JAKMIP3: variants seen among roughly 807,000 people sequenced by gnomAD.
The protein encoded by JAKMIP3 is Janus kinase and microtubule interacting protein 3, also known as janus kinase and microtubule-interacting protein 3.
JAKMIP3 carries 58 observed loss-of-function variants against 118.5 expected under a neutral mutation model. That is an observed-to-expected ratio of 0.49 (90% confidence interval 0.40 to 0.61). JAKMIP3 has a LOEUF of 0.61. Among genes scored for constraint, JAKMIP3 ranks in the 20% least tolerant of loss-of-function variants. The pLI is 0.00. For missense variants in JAKMIP3, 950 were observed against 1,109.0 expected (o/e 0.86, Z 2.04); for synonymous variants, 486 against 451.2 (o/e 1.08, Z -0.98).
intron 1 of JAKMIP3, among the ~76,000 whole-genome samples, chr10:132,079,139 T>TGGCCTGGGAGAGGAC: frequency 7.2e-6 from 1 of 139,848 alleles, no homozygotes; most frequent in East Asian, 2.2e-4. Flanking sequence ...CGTGGGCACC[T>TGGCCTGGGAGAGGAC]GGCCTGGGAG....
At chr10:132,054,889 C>A (rs2038197020) in intron 1 of JAKMIP3, among the ~76,000 whole-genome samples, 1 of 151,842 alleles carries the variant, frequency 6.6e-6, no homozygotes, top group Admixed American at 6.6e-5. Flanking sequence ...CGAGGACCCT[C>A]CGCTTGGGGA....
At chr10:132,039,149 T>C (rs1257987247) in intron 1 of JAKMIP3, among the ~76,000 whole-genome samples, 1 of 152,180 alleles carries the variant, frequency 6.6e-6, no homozygotes, top group Non-Finnish European at 1.5e-5. Context: ...TTTTTAAAAA[T>C]ATTTAAACAT....
intron 2 of JAKMIP3, among the ~76,000 whole-genome samples, chr10:132,113,973 C>T: frequency 6.6e-6 from 1 of 152,240 alleles, no homozygotes; most frequent in East Asian, 1.9e-4. Flanking sequence ...CTTTGTAGAG[C>T]TTTGCTTTGT....
chr10:132,046,268 C>A (rs2037912779), intron 1 of JAKMIP3, among the ~76,000 whole-genome samples: 1 of 152,156 alleles, frequency 6.6e-6, no homozygotes, highest in South Asian at 2.1e-4. Flanking sequence ...TCCTGGCTAA[C>A]ACAGTGAAAC....
intron 23 of JAKMIP3, among the ~76,000 whole-genome samples, chr10:132,169,499 C>G (rs978516296): frequency 2.0e-5 from 3 of 152,174 alleles, no homozygotes; most frequent in African/African-American, 7.2e-5. Context: ...GGTCAGGACT[C>G]TGGGCATGCT....
At chr10:132,113,846 G>A (rs955293341) in intron 2 of JAKMIP3, among the ~76,000 whole-genome samples, 5 of 152,222 alleles carry the variant, frequency 3.3e-5, no homozygotes, top group African/African-American at 4.8e-5. Flanking sequence ...GGCTTTACCC[G>A]CTGCACTGCA....
chr10:132,135,878 C>T, intron 5 of JAKMIP3, 52 bp from the exon 6 acceptor site: 2 of 1,575,876 alleles, frequency 1.3e-6, no homozygotes, highest in South Asian at 1.2e-5. Flanking sequence ...GCGTGGAGAC[C>T]TGCTGGTTCT....
At chr10:132,091,500 T>A (rs920116150) in intron 1 of JAKMIP3, among the ~76,000 whole-genome samples, 1 of 152,250 alleles carries the variant, frequency 6.6e-6, no homozygotes, top group Non-Finnish European at 1.5e-5. Context: ...CTCTTCTTGT[T>A]GAATTGATCC....
intron 1 of JAKMIP3, among the ~76,000 whole-genome samples, chr10:132,070,846 C>T (rs1456977229): frequency 6.6e-6 from 1 of 152,196 alleles, no homozygotes; most frequent in African/African-American, 2.4e-5. Flanking sequence ...CAGCTGACAG[C>T]CACGCTCAGA....
At position 132,118,800 on chromosome 10, in the gene JAKMIP3, G is replaced by A. The variant is rs140506397; in HGVS notation, c.633+1226G>A. On this transcript the variant is annotated intron_variant, in intron 3 of 23. Coordinates refer to ENST00000684848, the MANE Select transcript of JAKMIP3 (RefSeq NM_001323087.2). This position sits in a 1 kb window ranked among gnomAD's most constrained non-coding sequence, Gnocchi z 4.8. ...TGTCACCTTAGCAACCCAAGGACCC[G>A]GCCCAAACCAGCACTCATAAGAACC... is the stretch of plus-strand genomic sequence containing the variant. 4.5e-4 allele frequency among the ~76,000 whole-genome samples: 69 copies of A among 152,268 alleles called. No individual in the cohort carries two copies. The East Asian group carries it at 0.01, about 23-fold the overall frequency.
intron 1 of JAKMIP3, among the ~76,000 whole-genome samples, chr10:132,074,615 C>T (rs2040484700): frequency 6.6e-6 from 1 of 152,116 alleles, no homozygotes; most frequent in Admixed American, 6.6e-5. Context: ...CAGATATTTT[C>T]TCCCATCCTT....
Position 132,118,653 on chromosome 10 carries a change from G to A in JAKMIP3, c.633+1079G>A, listed in dbSNP as rs546584389. Among the ~76,000 whole-genome samples the A allele has an allele frequency of 5.3e-5, 8 of 152,318 alleles. No individual in the cohort carries two copies. In the South Asian group the frequency reaches 6.2e-4, roughly 12 times the overall value. The stretch of plus-strand genomic sequence containing the variant: ...GCCATTGTGGAGTAAATATGACCTC[G>A]CCACAGTGTACACGTGGGTGCCCCC... On this transcript the variant is annotated intron_variant, in intron 3 of 23. Coordinates refer to ENST00000684848, the MANE Select transcript of JAKMIP3 (RefSeq NM_001323087.2). The surrounding 1 kb of genome is among the most constrained non-coding windows in gnomAD (Gnocchi z 4.8).
chr10:132,076,152 GTC>G (rs2040750122), intron 1 of JAKMIP3, among the ~76,000 whole-genome samples: 1 of 152,130 alleles, frequency 6.6e-6, no homozygotes, highest in Non-Finnish European at 1.5e-5. Context: ...CCCTTGAGCA[GTC>G]ACTCCCCACC....
chr10:132,053,845 TAACATGATG>T (rs2038160863), intron 1 of JAKMIP3, among the ~76,000 whole-genome samples: 1 of 151,838 alleles, frequency 6.6e-6, no homozygotes, highest in South Asian at 2.1e-4. Context: ...CCATCCTGGC[TAACATGATG>T]AAACCCTGTC....
rs1246105148 is a variant in JAKMIP3, at chr10:132,151,122, A to ATCCT, written c.2007+1088_2007+1091dup. ...TAATCCATCTATTCATTCTCCATCC[A>ATCCT]TCCTTCCTTCATCCTCCATTCATTC... On this transcript the variant is annotated intron_variant, in intron 16 of 23. Coordinates refer to ENST00000684848, the MANE Select transcript of JAKMIP3 (RefSeq NM_001323087.2). Among the ~76,000 whole-genome samples the ATCCT allele has an allele frequency of 9.2e-5, 14 of 151,718 alleles. No individual in the cohort carries two copies. The East Asian group carries it at 2.3e-3, about 25-fold the overall frequency.
chr10:132,036,850 G>T (rs2037518261), intron 1 of JAKMIP3, among the ~76,000 whole-genome samples: 1 of 151,886 alleles, frequency 6.6e-6, no homozygotes, highest in African/African-American at 2.4e-5. Context: ...GGCGGGGGGC[G>T]ACGTCCCGAG....
rs183308349 is a variant in JAKMIP3 at position 132,066,814 on chromosome 10, C to T, written c.-138+753C>T. Among the ~76,000 whole-genome samples the T allele has an allele frequency of 1.6e-3, 239 of 152,180 alleles. 2 individuals carry two copies. Among genetic ancestry groups the T allele is most frequent in the African/African-American group, 5.6e-3 (233 of 41,512 alleles). Reference sequence around the variant, plus strand: ...CTGCTGATTGGGACTGGCAGGGCTGCGGTGGAAAGGGTGTCACAGGTAACT... The same window carrying T: ...CTGCTGATTGGGACTGGCAGGGCTGTGGTGGAAAGGGTGTCACAGGTAACT... On this transcript the variant is annotated intron_variant, in intron 1 of 23. Coordinates refer to ENST00000684848, the MANE Select transcript of JAKMIP3 (RefSeq NM_001323087.2).
Position 132,128,401 on chromosome 10 carries a change from A to G in JAKMIP3, c.634-4911A>G, listed in dbSNP as rs74858929. Among the ~76,000 whole-genome samples, 983 of 152,330 alleles carry G rather than the reference A, an allele frequency of 6.5e-3. 10 individuals are homozygous for G. The highest frequency in any genetic ancestry group is 0.022 in the African/African-American group (927 of 41,574). ...CTAGGTGTGTTTTTGTAATTTTAAAAAAATACTGCTTGGAGACAGCTGAGC... is the reference window on the plus strand; with the variant it reads ...CTAGGTGTGTTTTTGTAATTTTAAAGAAATACTGCTTGGAGACAGCTGAGC... On this transcript the variant is annotated intron_variant, in intron 3 of 23. Transcript: ENST00000684848.
chr10:132,063,087 G>C (rs2038456626), upstream of JAKMIP3, among the ~76,000 whole-genome samples: 1 of 152,188 alleles, frequency 6.6e-6, no homozygotes, highest in Non-Finnish European at 1.5e-5. Flanking sequence ...TGGAGCAGCA[G>C]AGCCCTGGAT....
Sources: allele counts gnomAD v4.1 joint callset (sites outside exome capture counted in the v4.1 genomes callset), GRCh38; gene constraint gnomAD v4.1.1; non-coding constraint Gnocchi (gnomAD v3.1); transcripts MANE v1.5; gene names NCBI Gene and HGNC (gene_info 2026-07-23, HGNC 2026-07-21).